NRAP: variants seen among roughly 807,000 people sequenced by gnomAD.
NRAP encodes nebulin-related-anchoring protein.
Under a neutral mutation model 225.9 loss-of-function variants are expected in NRAP, and 189 were observed. The ratio of observed to expected loss-of-function variants is 0.84; its 90% CI spans 0.74 to 0.94. The LOEUF is 0.94. NRAP is among the 40% of genes least tolerant of loss of function. NRAP has a pLI of 0.00. For synonymous variants in NRAP, 769 were observed against 790.7 expected, an observed-to-expected ratio of 0.97 and a Z score of 0.46; for missense variants, 2,176 against 2,168.7, an observed-to-expected ratio of 1.00 and a Z score of -0.07.
At chr10:113,620,793 G>T in intron 24 of NRAP, 85 bp from the exon 25 acceptor site, 1 of 904,756 alleles carries the variant, frequency 1.1e-6, no homozygotes, top group Non-Finnish European at 1.8e-6. Context: ...TCCCAACACA[G>T]CCTTGGTGCC....
At chr10:113,654,779 T>C (rs7906050) in intron 4 of NRAP, among the ~76,000 whole-genome samples, 49,408 of 152,052 alleles carry the variant, frequency 0.32, 8,678 homozygotes, top group African/African-American at 0.47. Flanking sequence ...GGCATCCACT[T>C]TAGAAGGTCC....
Position 113,658,127 on chromosome 10 carries a change from T to C in NRAP, c.256-553A>G, listed in dbSNP as rs140636841. Among the ~76,000 whole-genome samples the C allele has an allele frequency of 6.3e-3, 953 of 152,360 alleles. 9 individuals carry two copies. The highest frequency in any genetic ancestry group is 0.022 in the African/African-American group (905 of 41,580). Reference sequence around the variant, plus strand: ...AAAGATCATTCTTGCTATGTTAAATTGCAGTGATGCCTTTCTTGTAAGTCA... The same window carrying C: ...AAAGATCATTCTTGCTATGTTAAATCGCAGTGATGCCTTTCTTGTAAGTCA... On this transcript the variant is annotated intron_variant, in intron 3 of 41. Coordinates refer to ENST00000359988, the MANE Select transcript of NRAP (RefSeq NM_198060.4).
At chr10:113,620,941 T>C (rs1041247411) in intron 24 of NRAP, among the ~76,000 whole-genome samples, 2 of 152,148 alleles carry the variant, frequency 1.3e-5, no homozygotes, top group Non-Finnish European at 2.9e-5. Context: ...TCCAACACTA[T>C]TGGGGGTGAC....
intron 28 of NRAP, among the ~76,000 whole-genome samples, 161 bp downstream of exon 28, chr10:113,614,678 A>C (rs1847536731): frequency 6.6e-6 from 1 of 152,130 alleles, no homozygotes. Context: ...TTGTTGCAAG[A>C]TATGTTCTTT....
At chr10:113,602,744 G>T (rs183240506) in intron 35 of NRAP, among the ~76,000 whole-genome samples, 1 of 152,180 alleles carries the variant, frequency 6.6e-6, no homozygotes, top group African/African-American at 2.4e-5. Context: ...GGGGCTTGGC[G>T]CAAGGAACGT....
rs113411292 is a variant in NRAP, at chr10:113,589,715, C to T, written c.5039G>A (p.Arg1680Gln). 88 of 1,614,026 alleles carry T rather than the reference C, an allele frequency of 5.5e-5. No individual in the cohort carries two copies. The highest frequency in any genetic ancestry group is 8.3e-5 in the Admixed American group (5 of 60,006). The change falls in exon 41 of 42, where the codon CGG (arginine) becomes CAG (glutamine). Residue 1680 changes from arginine (R) to glutamine (Q), a missense_variant. Arg to Gln is a conservative substitution (Grantham distance 43). Transcript: ENST00000359988. ...CCTTGCGTTGGCCAGTTCCGCAGCCCGCCGAGCCATTTCCACTTTGTAGGA... is the reference window on the plus strand; with the variant it reads ...CCTTGCGTTGGCCAGTTCCGCAGCCTGCCGAGCCATTTCCACTTTGTAGGA... ...PGSYKVEMARRAAELANARGL... is the reference protein window; with the variant it reads ...PGSYKVEMARQAAELANARGL...
Position 113,612,267 on chromosome 10 carries a change from G to C in NRAP, c.3465C>G (p.Ser1155Arg). 1 of 1,614,134 alleles carries C rather than the reference G, an allele frequency of 6.2e-7. No individual in the cohort carries two copies. The highest frequency in any genetic ancestry group is 1.3e-5 in the African/African-American group (1 of 75,052). The change falls in exon 30 of 42, where the codon AGC becomes AGG. Residue 1155 changes from serine (S) to arginine (R), a missense_variant. Around this residue, in one of 3 missense-constraint regions of NRAP, gnomAD observed 1,708 missense variants for 1,695.5 expected, o/e 1.01. Coordinates refer to ENST00000359988, the MANE Select transcript of NRAP (RefSeq NM_198060.4). ...GCAATTTGTGAGCTTTCTTGGCACA[G>C]CTCAGCCTCAGGTCTTCTGCCAAGG... ...YTSLAEDLRL[S>R]CAKKAHKLQS... is the part of the protein sequence containing the mutation.
chr10:113,612,703 C>G (rs895191759), intron 29 of NRAP, among the ~76,000 whole-genome samples: 1 of 152,204 alleles, frequency 6.6e-6, no homozygotes, highest in African/African-American at 2.4e-5. Context: ...GTCCAAGGAA[C>G]AGTAAATAAT....
chr10:113,641,495 C>A, intron 12 of NRAP, 23 bp from the exon 13 acceptor site: 1 of 1,463,090 alleles, frequency 6.8e-7, no homozygotes. Context: ...GCAAAGTTTT[C>A]AACCAAAGCA....
chr10:113,591,562 C>A (rs770291134), intron 39 of NRAP, among the ~76,000 whole-genome samples: 2 of 152,200 alleles, frequency 1.3e-5, no homozygotes, highest in Admixed American at 6.5e-5. Context: ...CTGTACTTAT[C>A]CAATTGTGGA....
At chr10:113,660,105 A>T (rs1385312225) in intron 3 of NRAP, among the ~76,000 whole-genome samples, 1 of 83,304 alleles carries the variant, frequency 1.2e-5, no homozygotes, top group African/African-American at 3.2e-5. Context: ...ACATATATAC[A>T]TACATACATA....
rs148288285 is a variant in NRAP at position 113,600,680 on chromosome 10, A to AG, written c.4228-2608dup. ...AACCAGGAGTTAAGAGGCAAGAGCTAGAAGCCTCACTGTGCCTTGTACTAG... is the reference window on the plus strand; with the variant it reads ...AACCAGGAGTTAAGAGGCAAGAGCTAGGAAGCCTCACTGTGCCTTGTACTAG... On this transcript the variant is annotated intron_variant, in intron 35 of 41. Coordinates refer to ENST00000359988, the MANE Select transcript of NRAP (RefSeq NM_198060.4). 2.8e-4 allele frequency among the ~76,000 whole-genome samples: 42 copies of AG among 152,298 alleles called. No homozygotes were observed. In the East Asian group the frequency reaches 3.9e-3, roughly 14 times the overall value.
At position 113,590,903 on chromosome 10, in the gene NRAP, G is replaced by A. The variant is rs766578944; in HGVS notation, c.4645-14C>T. The A allele has an allele frequency of 1.9e-6, 3 of 1,610,490 alleles. No individual in the cohort carries two copies. The highest frequency in any genetic ancestry group is 2.2e-5 in the South Asian group (2 of 90,888). On this transcript the variant is annotated splice_polypyrimidine_tract_variant and intron_variant, in intron 39 of 41. Transcript: ENST00000359988. Reference sequence around the variant, plus strand: ...TTTGTACCGGAACTGCAAGTCAGAGGAGCAGAGGCAGATCATGGGTGCCTA... The same window carrying A: ...TTTGTACCGGAACTGCAAGTCAGAGAAGCAGAGGCAGATCATGGGTGCCTA...
Position 113,623,653 on chromosome 10 carries a change from G to C in NRAP, c.2350-17C>G, listed in dbSNP as rs753237769. 1 of 1,561,500 alleles carries C rather than the reference G, an allele frequency of 6.4e-7. No individual in the cohort carries two copies. On this transcript the variant is annotated splice_polypyrimidine_tract_variant and intron_variant, in intron 22 of 41. Coordinates refer to ENST00000359988, the MANE Select transcript of NRAP (RefSeq NM_198060.4). ...ATACAGTTTCTAAGGGGATTTAGGA[G>C]AGAAGGTGAGTGGGTTTTCATGTGA... is the stretch of plus-strand genomic sequence containing the variant.
At position 113,612,318 on chromosome 10, in the gene NRAP, G is replaced by A; in HGVS notation, c.3414C>T (p.Tyr1138=). ...AAGTGTACTGGGGCAGTGGATGTTT[G>A]TAGTCCTGATTGCTGGCCAGGGTCT... ...KAQTLASNQD[Y]KHPLPQYTSL... is the part of the protein sequence containing the mutation. Residue 1138 remains tyrosine, a synonymous_variant, in exon 30 of 42, where the codon TAC becomes TAT. Transcript: ENST00000359988. 6.2e-7 allele frequency: 1 copy of A among 1,614,192 alleles called. No individual in the cohort carries two copies. Among genetic ancestry groups the A allele is most frequent in the Non-Finnish European group, 8.5e-7 (1 of 1,180,004 alleles).
intron 27 of NRAP, among the ~76,000 whole-genome samples, 188 bp downstream of exon 27, chr10:113,615,524 A>G (rs188225546): frequency 6.6e-6 from 1 of 152,300 alleles, no homozygotes; most frequent in East Asian, 1.9e-4. Context: ...GACCAGCTAC[A>G]TAATGTGCAG....
At chr10:113,615,377 TC>T (rs1364902961) in intron 27 of NRAP, among the ~76,000 whole-genome samples, 1 of 152,122 alleles carries the variant, frequency 6.6e-6, no homozygotes, top group African/African-American at 2.4e-5. Flanking sequence ...CCCCAAGTCT[TC>T]CCTTGGTATA....
intron 37 of NRAP, among the ~76,000 whole-genome samples, chr10:113,596,813 A>G (rs1022679642): frequency 6.6e-6 from 1 of 152,196 alleles, no homozygotes; most frequent in Middle Eastern, 3.2e-3. Flanking sequence ...ATCCTCATTT[A>G]ATTCATTTAA....
intron 35 of NRAP, among the ~76,000 whole-genome samples, chr10:113,601,368 T>C (rs556475487): frequency 3.2e-4 from 49 of 152,368 alleles, no homozygotes; most frequent in Non-Finnish European, 4.8e-4. Context: ...ACTTGTTTCC[T>C]TTTTTGCATA....
Sources: allele counts gnomAD v4.1 joint callset (sites outside exome capture counted in the v4.1 genomes callset), GRCh38; gene constraint gnomAD v4.1.1; regional missense constraint gnomAD v4.1.1; transcripts MANE v1.5; gene names NCBI Gene and HGNC (gene_info 2026-07-23, HGNC 2026-07-21).